Variants in SARS1 observed in about 807,000 individuals in gnomAD.
The protein encoded by SARS1 is seryl-tRNA synthetase 1.
Under a neutral mutation model 63.7 loss-of-function variants are expected in SARS1, and 25 were observed. That is an observed-to-expected ratio of 0.39 (90% confidence interval 0.29 to 0.55). The LOEUF is 0.55. Among genes scored for constraint, SARS1 ranks in the 20% least tolerant of loss-of-function variants. The pLI, the probability that SARS1 is intolerant of heterozygous loss-of-function variation, is 0.62. For missense variants in SARS1, 417 were observed against 649.7 expected, an observed-to-expected ratio of 0.64 and a Z score of 3.89; for synonymous variants, 231 against 243.5, an observed-to-expected ratio of 0.95 and a Z score of 0.48.
At position 109,237,930 on chromosome 1, in the gene SARS1, G is replaced by A. The variant is rs1380768966; in HGVS notation, c.*42G>A. The A allele has an allele frequency of 6.2e-7, 1 of 1,606,838 alleles. No individual in the cohort carries two copies. Among genetic ancestry groups the A allele is most frequent in the Non-Finnish European group, 8.5e-7 (1 of 1,175,702 alleles). On this transcript the variant is annotated 3_prime_UTR_variant, in exon 11 of 11. Transcript: ENST00000234677. The surrounding 1 kb of genome is among the most constrained non-coding windows in gnomAD (Gnocchi z 4.1). ...ATTTGCCAGGCTTTCATTTCTGTCT[G>A]CTGAGATCTCAGAGCCTGCCCAACA...
intron 1 of SARS1, among the ~76,000 whole-genome samples, chr1:109,221,053 T>G (rs1402398162): frequency 1.3e-5 from 2 of 151,474 alleles, no homozygotes; most frequent in East Asian, 1.9e-4. Context: ...TAATTTTTCT[T>G]TTCTTCTCTT....
chr1:109,218,752 C>T (rs750284324), intron 1 of SARS1, among the ~76,000 whole-genome samples: 8 of 152,184 alleles, frequency 5.3e-5, no homozygotes, highest in South Asian at 2.1e-4. Flanking sequence ...CCACTTCCAA[C>T]GGCCCTCTTT....
At chr1:109,231,122 AG>A in intron 5 of SARS1, 101 bp downstream of exon 5, 2 of 698,356 alleles carry the variant, frequency 2.9e-6, no homozygotes, top group Non-Finnish European at 3.9e-6. Context: ...ATCTGTTTAA[AG>A]AGGCCCACAG....
At chr1:109,230,757 A>G in intron 4 of SARS1, 121 bp from the exon 5 acceptor site, 1 of 805,280 alleles carries the variant, frequency 1.2e-6, no homozygotes, top group Non-Finnish European at 1.8e-6. Flanking sequence ...GTGAGCCAAG[A>G]TTGTGCCATT....
chr1:109,225,000 G>A (rs1227884320), intron 2 of SARS1, among the ~76,000 whole-genome samples: 1 of 152,170 alleles, frequency 6.6e-6, no homozygotes, highest in Non-Finnish European at 1.5e-5. Flanking sequence ...AGCTACTCAG[G>A]AGGCTGAGGT....
At chr1:109,226,738 ATTTATT>A (rs200244626) in intron 2 of SARS1, among the ~76,000 whole-genome samples, 34,748 of 72,880 alleles carry the variant, frequency 0.48, 6,111 homozygotes, top group East Asian at 0.62. Context: ...ATATATATAT[ATTTATT>A]TATTTATTTA....
At position 109,228,371 on chromosome 1, in the gene SARS1, A is replaced by T. The variant is rs1271399856; in HGVS notation, c.227A>T (p.Asp76Val). Reference sequence around the variant, plus strand: ...CTGCAGAAAAAAGAGCCAGTGGGAGATGATGAGTCTGTCCCAGAGAATGTG... The same window carrying T: ...CTGCAGAAAAAAGAGCCAGTGGGAGTTGATGAGTCTGTCCCAGAGAATGTG... ...EKMKKKEPVG[D>V]DESVPENVLS... The change falls in exon 3 of 11, where the codon GAT becomes GTT. Residue 76 changes from aspartate (D) to valine (V), a missense_variant. Around this residue, in one of 3 missense-constraint regions of SARS1, gnomAD observed 359 missense variants for 529.6 expected, o/e 0.68. Transcript: ENST00000234677. 2 of 1,612,172 alleles carry T rather than the reference A, an allele frequency of 1.2e-6. No individual in the cohort carries two copies. Among genetic ancestry groups the T allele is most frequent in the Non-Finnish European group, 1.7e-6 (2 of 1,179,322 alleles).
At chr1:109,232,413 A>G (rs1655228781) in intron 6 of SARS1, among the ~76,000 whole-genome samples, 1 of 152,214 alleles carries the variant, frequency 6.6e-6, no homozygotes, top group Non-Finnish European at 1.5e-5. Flanking sequence ...ACAGCTGTCC[A>G]ATGCAGCAGT....
rs780039590 is a variant in SARS1, at chr1:109,231,658, C to G, written c.619C>G (p.Leu207Val). The change falls in exon 6 of 11, where the codon CTC becomes GTC. Residue 207 changes from leucine (L) to valine (V), a missense_variant. By Grantham distance (32) the Leu-to-Val change is conservative. Coordinates refer to ENST00000234677, the MANE Select transcript of SARS1 (RefSeq NM_006513.4). ...KGVLVFLEQA[L>V]IQYALRTLGS... is the part of the protein sequence containing the mutation. ...GGTCCTGGTGTTCCTGGAACAGGCT[C>G]TCATCCAGTATGCCCTTCGCACCTT... The G allele has an allele frequency of 1.9e-6, 3 of 1,568,620 alleles. No individual in the cohort carries two copies. Among genetic ancestry groups the G allele is most frequent in the Non-Finnish European group, 2.6e-6 (3 of 1,160,482 alleles).
intron 5 of SARS1, 23 bp from the exon 6 acceptor site, chr1:109,231,608 G>T: frequency 6.8e-7 from 1 of 1,465,622 alleles, no homozygotes; most frequent in African/African-American, 1.5e-5. Context: ...CAATCACATA[G>T]TACTGTGTCT....
chr1:109,216,447 T>A (rs1557713369), intron 1 of SARS1: 2 of 985,374 alleles, frequency 2.0e-6, no homozygotes, highest in East Asian at 2.3e-4. Flanking sequence ...TTTCTTCTTT[T>A]TAATTCAGAG....
intron 1 of SARS1, among the ~76,000 whole-genome samples, chr1:109,221,124 G>GACCTCAGCTCACTGCA (rs1654918845): frequency 6.7e-6 from 1 of 150,012 alleles, no homozygotes; most frequent in Admixed American, 6.7e-5. Flanking sequence ...GCAGTGGCGT[G>GACCTCAGCTCACTGCA]ACCTCAGCTC....
intron 1 of SARS1, among the ~76,000 whole-genome samples, chr1:109,218,418 T>TC (rs1454864114): frequency 6.6e-6 from 1 of 150,376 alleles, no homozygotes. Flanking sequence ...TTTTTTTTTT[T>TC]TTTTTTGGTA....
chr1:109,229,507 C>T lies in SARS1; in HGVS notation c.382C>T (p.Arg128Trp). ...DAERIKLEAE[R>W]FENLREIGNL... ...GGAGCGGATAAAGTTGGAAGCAGAGCGGTTTGAGAACCTCCGAGAGATTGG... is the reference window on the plus strand; with the variant it reads ...GGAGCGGATAAAGTTGGAAGCAGAGTGGTTTGAGAACCTCCGAGAGATTGG... Residue 128 changes from arginine (R) to tryptophan (W), a missense_variant, in exon 4 of 11, where the codon CGG becomes TGG. Physicochemically the swap from Arg to Trp is moderately radical, Grantham distance 101. Coordinates refer to ENST00000234677, the MANE Select transcript of SARS1 (RefSeq NM_006513.4). The T allele has an allele frequency of 1.2e-6, 2 of 1,614,164 alleles. No individual in the cohort carries two copies. Among genetic ancestry groups the T allele is most frequent in the Non-Finnish European group, 1.7e-6 (2 of 1,180,026 alleles).
chr1:109,223,465 C>T (rs1213701301), intron 1 of SARS1, among the ~76,000 whole-genome samples: 3 of 152,196 alleles, frequency 2.0e-5, no homozygotes, highest in Non-Finnish European at 1.5e-5. Flanking sequence ...TTCCTTGTCA[C>T]CAAATGCTGG....
intron 1 of SARS1, among the ~76,000 whole-genome samples, chr1:109,219,670 G>A (rs1288553011): frequency 1.3e-5 from 2 of 151,740 alleles, no homozygotes; most frequent in African/African-American, 2.4e-5. Context: ...CCACCACCAT[G>A]CCTGGCTAAT....
rs769871875 is a variant in SARS1, at chr1:109,230,866, C to T, written c.448-12C>T. ...ATGTCTTGTATGTCTCTTTCTTGCT[C>T]TGTTTCCTTAGGATGTGGACAACAA... On this transcript the variant is annotated splice_polypyrimidine_tract_variant and intron_variant, in intron 4 of 10. Coordinates refer to ENST00000234677, the MANE Select transcript of SARS1 (RefSeq NM_006513.4). 12 of 1,594,984 alleles carry T rather than the reference C, an allele frequency of 7.5e-6. No individual in the cohort carries two copies. Among genetic ancestry groups the T allele is most frequent in the Non-Finnish European group, 1.0e-5 (12 of 1,169,328 alleles).
At chr1:109,228,224 T>C in intron 2 of SARS1, 128 bp from the exon 3 acceptor site, 3 of 728,918 alleles carry the variant, frequency 4.1e-6, no homozygotes, top group Non-Finnish European at 6.5e-6. Flanking sequence ...TGTTGTATCT[T>C]TTAGAAAAAT....
chr1:109,216,224 G>C (rs1393547779), intron 1 of SARS1: 1 of 985,228 alleles, frequency 1.0e-6, no homozygotes, highest in East Asian at 1.1e-4. Context: ...CTTATAACCA[G>C]AGCCACATTA....
Sources: gnomAD v4.1 joint callset for allele counts (sites outside exome capture counted in the v4.1 genomes callset) on GRCh38, gnomAD v4.1.1 for gene constraint, gnomAD v4.1.1 regional missense constraint, Gnocchi (gnomAD v3.1) non-coding constraint, MANE v1.5 for transcripts, NCBI Gene and HGNC (gene_info 2026-07-23, HGNC 2026-07-21) for gene names.